Variants in SPAST observed in about 807,000 individuals in gnomAD.
The protein encoded by SPAST is spastic paraplegia 4 (autosomal dominant; spastin).
Under a neutral mutation model 76.6 loss-of-function variants are expected in SPAST, and 30 were observed. That is an observed-to-expected ratio of 0.39 (90% CI 0.29 to 0.53). SPAST has a LOEUF of 0.53. Among genes scored for constraint, SPAST ranks in the 20% least tolerant of loss-of-function variants. The pLI is 0.68. For synonymous variants in SPAST, 305 were observed against 281.0 expected (o/e 1.09, Z -0.86); for missense variants, 717 against 770.5 (o/e 0.93, Z 0.82).
intron 16 of SPAST, among the ~76,000 whole-genome samples, chr2:32,150,187 C>G (rs1680030784): frequency 6.7e-6 from 1 of 150,016 alleles, no homozygotes; most frequent in Non-Finnish European, 1.5e-5. Flanking sequence ...ATTCTCCTGC[C>G]TCAGCCTCCC....
chr2:32,095,989 T>C (rs1035045766), intron 3 of SPAST, among the ~76,000 whole-genome samples: 5 of 152,152 alleles, frequency 3.3e-5, no homozygotes, highest in African/African-American at 9.7e-5. Flanking sequence ...AAGAGTGTTA[T>C]ATGGTAAGGT....
At chr2:32,152,365 C>T (rs113184034) in intron 16 of SPAST, among the ~76,000 whole-genome samples, 12 of 152,204 alleles carry the variant, frequency 7.9e-5, no homozygotes, top group East Asian at 7.7e-4. Flanking sequence ...CTCAGGAATT[C>T]GAGACCAGCC....
intron 1 of SPAST, among the ~76,000 whole-genome samples, chr2:32,072,208 A>C (rs916918227): frequency 2.0e-5 from 3 of 151,166 alleles, no homozygotes; most frequent in Admixed American, 2.0e-4. Flanking sequence ...ATGCCCAGCT[A>C]TTTTTTTTGT....
chr2:32,074,513 G>GT lies in SPAST; in HGVS notation c.415+10277dup, dbSNP rs552539703. 5.6e-3 allele frequency among the ~76,000 whole-genome samples: 815 copies of GT among 145,488 alleles called. 4 individuals carry two copies. The highest frequency in any genetic ancestry group is 0.011 in the Middle Eastern group (3 of 284). On this transcript the variant is annotated intron_variant, in intron 1 of 16. Transcript: ENST00000315285. ...CTCTTTCTCAGCTTTTTTTTTTGTTGTTTTTTTTTTAAAATAGAGTCTGGC... is the reference window on the plus strand; with the variant it reads ...CTCTTTCTCAGCTTTTTTTTTTGTTGTTTTTTTTTTTAAAATAGAGTCTGGC...
chr2:32,098,769 C>T (rs1678012133), intron 3 of SPAST, 27 bp from the exon 4 acceptor site: 3 of 1,439,830 alleles, frequency 2.1e-6, no homozygotes, highest in Non-Finnish European at 2.9e-6. Context: ...TTTATTTTTT[C>T]TGTTTTTTAC....
rs1302223304 is a variant in SPAST at position 32,064,113 on chromosome 2, G to A, written c.282G>A (p.Gly94=). The change falls in exon 1 of 17, where the codon GGG becomes GGA. Residue 94 remains glycine, a synonymous_variant. Transcript: ENST00000315285. The part of the protein sequence containing the change: ...RALMAAKRSS[G]AAPAPASASA... ...TCATGGCAGCCAAGAGGAGCTCCGG[G>A]GCCGCGCCAGCACCTGCCTCGGCCT... 1.3e-6 allele frequency: 2 copies of A among 1,599,518 alleles called. No individual in the cohort carries two copies. Among genetic ancestry groups the A allele is most frequent in the African/African-American group, 1.3e-5 (1 of 74,758 alleles).
Position 32,137,117 on chromosome 2 carries a change from T to A in SPAST, c.1422T>A (p.Ser474=). Residue 474 remains serine (S), a synonymous_variant, in exon 12 of 17, where the codon TCT becomes TCA. Coordinates refer to ENST00000315285, the MANE Select transcript of SPAST (RefSeq NM_014946.4). ...EFLIEFDGVQ[S]AGDDRVLVMG... is the part of the protein sequence containing the mutation. ...AGATTTTTTGCTTGTAGGTACAGTCTGCTGGAGATGACAGAGTACTTGTAA... is the reference window on the plus strand; with the variant it reads ...AGATTTTTTGCTTGTAGGTACAGTCAGCTGGAGATGACAGAGTACTTGTAA... 6.2e-7 allele frequency: 1 copy of A among 1,613,700 alleles called. No individual in the cohort carries two copies. The highest frequency in any genetic ancestry group is 8.5e-7 in the Non-Finnish European group (1 of 1,179,622).
chr2:32,094,509 G>A (rs574728267), intron 3 of SPAST, among the ~76,000 whole-genome samples: 1 of 152,336 alleles, frequency 6.6e-6, no homozygotes, highest in South Asian at 2.1e-4. Context: ...TACCTGGTAT[G>A]TTTGTGAAGC....
chr2:32,114,606 TA>T, intron 4 of SPAST, 31 bp from the exon 5 acceptor site: 1 of 1,581,182 alleles, frequency 6.3e-7, no homozygotes, highest in East Asian at 2.2e-5. Flanking sequence ...TACAATTTTC[TA>T]ATCACAATGG....
chr2:32,083,195 C>G (rs1213028633), intron 1 of SPAST, among the ~76,000 whole-genome samples: 4 of 152,086 alleles, frequency 2.6e-5, no homozygotes, highest in Non-Finnish European at 5.9e-5. Flanking sequence ...TGGTCTTGAA[C>G]TCTTCCCTCC....
At chr2:32,149,060 A>G (rs752473445) in intron 16 of SPAST, among the ~76,000 whole-genome samples, 3 of 151,498 alleles carry the variant, frequency 2.0e-5, no homozygotes, top group Non-Finnish European at 4.4e-5. Context: ...ATAATGTTCT[A>G]TTTTGTTTTT....
At chr2:32,103,376 G>T (rs920024265) in intron 4 of SPAST, among the ~76,000 whole-genome samples, 7 of 151,880 alleles carry the variant, frequency 4.6e-5, no homozygotes, top group African/African-American at 9.7e-5. Flanking sequence ...TATTAGTCTT[G>T]GTAGCAGTCT....
rs751815134 is a variant in SPAST, at chr2:32,156,039, G to GTTTTTTTTTTTTT, written c.*1543_*1544insTTTTTTTTTTTTT. ...GAATATAGAAGATGCATGATTTCTG[G>GTTTTTTTTTTTTT]GTTTTTTTTTTTTTTTGAGACAGAG... On this transcript the variant is annotated 3_prime_UTR_variant, in exon 17 of 17. Transcript: ENST00000315285. 2 of 144,862 alleles carry GTTTTTTTTTTTTT rather than the reference G, an allele frequency of 1.4e-5. No individual in the cohort carries two copies. Among genetic ancestry groups the GTTTTTTTTTTTTT allele is most frequent in the Non-Finnish European group, 1.5e-5 (1 of 65,596 alleles). The allele number at this position is 144,862 out of a possible 1,614,324, so 9.0% of individuals were successfully genotyped here.
chr2:32,135,319 C>G (rs1286288121), intron 9 of SPAST, among the ~76,000 whole-genome samples: 1 of 151,528 alleles, frequency 6.6e-6, no homozygotes, highest in East Asian at 2.0e-4. Context: ...TTAGTAGAGA[C>G]GAGGTTTCAC....
chr2:32,153,586 G>T (rs948849578), intron 16 of SPAST, among the ~76,000 whole-genome samples: 6 of 151,724 alleles, frequency 4.0e-5, no homozygotes, highest in Non-Finnish European at 5.9e-5. Context: ...AAAGTGCGGG[G>T]ATTACAGGTG....
Position 32,114,722 on chromosome 2 carries a change from G to A in SPAST, c.767G>A (p.Gly256Glu). 6.2e-7 allele frequency: 1 copy of A among 1,613,994 alleles called. No homozygotes were observed. Among genetic ancestry groups the A allele is most frequent in the Non-Finnish European group, 8.5e-7 (1 of 1,179,926 alleles). Reference protein sequence around the residue: ...LPRSKTVMKTGSAGLSGHHRA... With the variant: ...LPRSKTVMKTESAGLSGHHRA... ...CGTTCAAAAACAGTTATGAAAACTG[G>A]ATCTGCAGGCCTTTCAGGCCACCAT... Residue 256 changes from glycine (G) to glutamate (E), a missense_variant, in exon 5 of 17, where the codon GGA becomes GAA. Gly to Glu is a moderately conservative substitution (Grantham distance 98, BLOSUM62 -2). Coordinates refer to ENST00000315285, the MANE Select transcript of SPAST (RefSeq NM_014946.4).
chr2:32,134,058 A>G (rs913701253), intron 9 of SPAST, among the ~76,000 whole-genome samples: 6 of 152,124 alleles, frequency 3.9e-5, no homozygotes, highest in African/African-American at 1.4e-4. Flanking sequence ...ATTTTTTAAG[A>G]CAGGGTCTGT....
intron 3 of SPAST, among the ~76,000 whole-genome samples, chr2:32,093,168 G>A (rs1038923905): frequency 1.3e-5 from 2 of 151,712 alleles, no homozygotes; most frequent in Non-Finnish European, 2.9e-5. Context: ...AAAATTAGCC[G>A]GGCGTAGTGG....
intron 4 of SPAST, among the ~76,000 whole-genome samples, chr2:32,103,397 T>C (rs1678199532): frequency 6.6e-6 from 1 of 152,198 alleles, no homozygotes; most frequent in Non-Finnish European, 1.5e-5. Flanking sequence ...ATCAGTTTTG[T>C]TGATCTTTTC....
Sources: allele counts gnomAD v4.1 joint callset (sites outside exome capture counted in the v4.1 genomes callset), GRCh38; gene constraint gnomAD v4.1.1; transcripts MANE v1.5; gene names NCBI Gene and HGNC (gene_info 2026-07-23, HGNC 2026-07-21).